PRSS36: variants seen among roughly 807,000 people sequenced by gnomAD.
PRSS36 encodes serine protease 36.
PRSS36 carries 90 observed loss-of-function variants against 94.3 expected under a neutral mutation model. The ratio of observed to expected loss-of-function variants is 0.95; its 90% CI spans 0.80 to 1.14. The LOEUF (loss-of-function observed/expected upper bound fraction) is 1.14. Ranked by LOEUF, PRSS36 falls within the 50% of genes most tolerant of loss-of-function variation. The pLI, the probability that PRSS36 is intolerant of heterozygous loss-of-function variation, is 0.00. For synonymous variants in PRSS36, 500 were observed against 489.6 expected (o/e 1.02, Z -0.28); for missense variants, 1,158 against 1,135.0 (o/e 1.02, Z -0.29).
rs763829301 is a variant in PRSS36, at chr16:31,141,712, G to A, written c.1759+11C>T. On this transcript the variant is annotated intron_variant, in intron 11 of 14. Transcript: ENST00000268281. The stretch of plus-strand genomic sequence containing the variant: ...CCAGGAGCCCCTAGGGCCCAAAAGC[G>A]TCCTGCTCACCACCATGCTCTGTGT... 1.2e-6 allele frequency: 2 copies of A among 1,608,544 alleles called. No homozygotes were observed. The highest frequency in any genetic ancestry group is 1.3e-5 in the African/African-American group (1 of 74,828).
Position 31,139,277 on chromosome 16 carries a change from G to C in PRSS36, c.2429C>G (p.Ala810Gly). The C allele has an allele frequency of 6.2e-7, 1 of 1,614,148 alleles. No homozygotes were observed. Among genetic ancestry groups the C allele is most frequent in the Non-Finnish European group, 8.5e-7 (1 of 1,180,002 alleles). Residue 810 changes from alanine to glycine, a missense_variant, in exon 15 of 15, where the codon GCC becomes GGC. Ala to Gly is a moderately conservative substitution (Grantham distance 60). Transcript: ENST00000268281. ...EAWISQTVGE[A>G]NFLPPSGSPH... is the part of the protein sequence containing the mutation. ...GGAGCCACTGGGGGGCAGGAAGTTG[G>C]CCTCTCCCACTGTCTGGGAGATCCA...
Position 31,150,020 on chromosome 16 carries a change from G to A in PRSS36, c.16C>T (p.Leu6Phe). 2.5e-6 allele frequency: 4 copies of A among 1,614,010 alleles called. No individual in the cohort carries two copies. Among genetic ancestry groups the A allele is most frequent in the Middle Eastern group, 1.6e-4 (1 of 6,062 alleles). The part of the protein sequence containing the change: MARHL[L>F]LPLVMLVISP... ...TTACCAAGCATCACAAGGGGGAGGA[G>A]CAGGTGCCGGGCCATGGCGCTAGAG... Residue 6 changes from leucine (L) to phenylalanine (F), a missense_variant, in exon 1 of 15, where the codon CTC becomes TTC. Leu to Phe is a conservative substitution (Grantham distance 22). Transcript: ENST00000268281.
At chr16:31,149,626 C>G in intron 2 of PRSS36, 70 bp downstream of exon 2, 1 of 1,609,996 alleles carries the variant, frequency 6.2e-7, no homozygotes, top group Non-Finnish European at 8.5e-7. Flanking sequence ...CAACCCCTGC[C>G]AGCACCCATG....
chr16:31,147,468 G>C (rs540217823), intron 5 of PRSS36, among the ~76,000 whole-genome samples: 4 of 152,288 alleles, frequency 2.6e-5, no homozygotes, highest in African/African-American at 9.6e-5. Flanking sequence ...AAGCCCCGAG[G>C]ATGGGCACAG....
intron 12 of PRSS36, 76 bp downstream of exon 12, chr16:31,141,393 A>AAAC: frequency 6.8e-7 from 1 of 1,470,458 alleles, no homozygotes; most frequent in Non-Finnish European, 9.0e-7. Flanking sequence ...ACAAACAAAC[A>AAAC]AATAACAAAA....
chr16:31,142,446 G>T, intron 10 of PRSS36, 35 bp downstream of exon 10: 1 of 1,414,152 alleles, frequency 7.1e-7, no homozygotes, highest in East Asian at 2.7e-5. Flanking sequence ...GCCCTCTCGG[G>T]CCCGCGTTCC....
intron 5 of PRSS36, among the ~76,000 whole-genome samples, chr16:31,146,467 C>A (rs2144040912): frequency 6.6e-6 from 1 of 152,286 alleles, no homozygotes. Flanking sequence ...TAGCTTTGGG[C>A]CTGGATAACT....
intron 5 of PRSS36, among the ~76,000 whole-genome samples, chr16:31,147,176 T>C (rs1486097810): frequency 6.6e-6 from 1 of 152,100 alleles, no homozygotes; most frequent in Non-Finnish European, 1.5e-5. Flanking sequence ...CCCAGGTGCC[T>C]GTACCCCTCT....
chr16:31,142,424 C>G (rs1199131743), intron 10 of PRSS36, 57 bp downstream of exon 10: 1 of 1,406,286 alleles, frequency 7.1e-7, no homozygotes, highest in African/African-American at 1.5e-5. Context: ...CAGGCCCCGC[C>G]CTCTTCCTAG....
chr16:31,148,344 C>T, intron 5 of PRSS36, 51 bp downstream of exon 5: 1 of 1,479,552 alleles, frequency 6.8e-7, no homozygotes, highest in Non-Finnish European at 8.9e-7. Context: ...AACCTCACCT[C>T]TCGAAGCCCC....
rs767875462 is a variant in PRSS36, at chr16:31,140,550, C to T, written c.2109G>A (p.Ala703=). ...PSALPICLHP[A]GIPPGASCWV... is the part of the protein sequence containing the mutation. Reference sequence around the variant, plus strand: ...AGCAGCTGGCCCCCGGGGGGATACCCGCCGGGTGGAGACAGATGGGCAGGG... The same window carrying T: ...AGCAGCTGGCCCCCGGGGGGATACCTGCCGGGTGGAGACAGATGGGCAGGG... Residue 703 remains alanine (A), a synonymous_variant, in exon 13 of 15, where the codon GCG becomes GCA. Coordinates refer to ENST00000268281, the MANE Select transcript of PRSS36 (RefSeq NM_173502.5). The T allele has an allele frequency of 1.6e-5, 26 of 1,583,764 alleles. No homozygotes were observed. Among genetic ancestry groups the T allele is most frequent in the East Asian group, 1.6e-4 (7 of 44,686 alleles).
At chr16:31,147,678 C>G (rs1226819259) in intron 5 of PRSS36, among the ~76,000 whole-genome samples, 1 of 152,114 alleles carries the variant, frequency 6.6e-6, no homozygotes, top group Non-Finnish European at 1.5e-5. Flanking sequence ...TTTATGTTCA[C>G]TGGTGTCTCT....
chr16:31,143,244 C>A (rs1349541110), intron 8 of PRSS36, 98 bp downstream of exon 8: 1 of 1,498,874 alleles, frequency 6.7e-7, no homozygotes, highest in Non-Finnish European at 8.9e-7. Context: ...GGACCCCGCC[C>A]CCCCCACACC....
At position 31,139,423 on chromosome 16, in the gene PRSS36, A is replaced by G. The variant is rs1486758245; in HGVS notation, c.2290-7T>C. On this transcript the variant is annotated splice_polypyrimidine_tract_variant and splice_region_variant and intron_variant, in intron 14 of 14. Coordinates refer to ENST00000268281, the MANE Select transcript of PRSS36 (RefSeq NM_173502.5). ...GGGGCGGTGCTGAGGTCATCTGCAG[A>G]GTTGGAGCGAGGCCACGTGGGTCTG... 2 of 1,610,134 alleles carry G rather than the reference A, an allele frequency of 1.2e-6. No individual in the cohort carries two copies. Among genetic ancestry groups the G allele is most frequent in the Non-Finnish European group, 1.7e-6 (2 of 1,177,338 alleles).
chr16:31,148,673 T>A lies in PRSS36; in HGVS notation c.275A>T (p.Asn92Ile). ...CTCGGCCGCGGGCTCCAGCGTCCCATTCCTGCGCTCGACCGGGGCAGTAGG... is the reference window on the plus strand; with the variant it reads ...CTCGGCCGCGGGCTCCAGCGTCCCAATCCTGCGCTCGACCGGGGCAGTAGG... ...VLSAAHCFMT[N>I]GTLEPAAEWS... is the part of the protein sequence containing the mutation. Residue 92 changes from asparagine to isoleucine, a missense_variant and splice_region_variant, in exon 5 of 15, where the codon AAT (asparagine) becomes ATT (isoleucine). Transcript: ENST00000268281. The A allele has an allele frequency of 6.2e-7, 1 of 1,612,282 alleles. No homozygotes were observed. Among genetic ancestry groups the A allele is most frequent in the Non-Finnish European group, 8.5e-7 (1 of 1,179,628 alleles).
Position 31,141,909 on chromosome 16 carries a change from C to A in PRSS36, c.1573G>T (p.Ala525Ser), listed in dbSNP as rs2057700122. 7 of 1,614,134 alleles carry A rather than the reference C, an allele frequency of 4.3e-6. No homozygotes were observed. The highest frequency in any genetic ancestry group is 5.9e-6 in the Non-Finnish European group (7 of 1,180,020). ...LCQEEGTWFL[A>S]GIRDFPSGCL... is the part of the protein sequence containing the mutation. The stretch of plus-strand genomic sequence containing the variant: ...CCACTGGGAAAGTCTCTGATTCCAG[C>A]CAGAAACCAGGTCCCCTCCTCCTGG... The change falls in exon 11 of 15, where the codon GCT becomes TCT. Residue 525 changes from alanine (A) to serine (S), a missense_variant. Coordinates refer to ENST00000268281, the MANE Select transcript of PRSS36 (RefSeq NM_173502.5).
In PRSS36 at chr16:31,142,829, A is replaced by G. The variant is rs1246200291; in HGVS notation, c.1265T>C (p.Leu422Pro). 1.9e-6 allele frequency: 3 copies of G among 1,542,374 alleles called. No homozygotes were observed. The highest frequency in any genetic ancestry group is 2.6e-6 in the Non-Finnish European group (3 of 1,147,012). The change falls in exon 9 of 15, where the codon CTG (leucine) becomes CCG (proline). Residue 422 changes from leucine to proline, a missense_variant. Transcript: ENST00000268281. Reference protein sequence around the residue: ...ALLQLRTPVNLSAASRPVCLP... With the variant: ...ALLQLRTPVNPSAASRPVCLP... ...GCACACGGGCCGCGAAGCCGCGCTC[A>G]GGTTCACGGGCGTGCGCAGCTGCAG...
Position 31,148,274 on chromosome 16 carries a change from C to A in PRSS36, c.553+121G>T, listed in dbSNP as rs1002345122. 9 of 1,100,610 alleles carry A rather than the reference C, an allele frequency of 8.2e-6. No individual in the cohort carries two copies. The South Asian group carries it at 1.2e-4, about 14-fold the overall frequency. 68.2% of individuals were successfully genotyped at this position (1,100,610 alleles called of 1,614,324 possible). A position where few individuals can be genotyped will look rare whatever the true frequency, so the allele number is the denominator to read the frequency against. On this transcript the variant is annotated intron_variant, in intron 5 of 14. Coordinates refer to ENST00000268281, the MANE Select transcript of PRSS36 (RefSeq NM_173502.5). ...CATCCACCGACCCGCAGAAACCTAC[C>A]CTCCAACGCTCCCCGCAGGCTCCGC...
chr16:31,147,317 C>T (rs1242721697), intron 5 of PRSS36, among the ~76,000 whole-genome samples: 1 of 152,170 alleles, frequency 6.6e-6, no homozygotes, highest in Non-Finnish European at 1.5e-5. Context: ...ATCTCCCTCT[C>T]TGGGTGCCCA....
Sources: gnomAD v4.1 joint callset for allele counts (sites outside exome capture counted in the v4.1 genomes callset) on GRCh38, gnomAD v4.1.1 for gene constraint, MANE v1.5 for transcripts, NCBI Gene and HGNC (gene_info 2026-07-23, HGNC 2026-07-21) for gene names.